Variants in HHLA1 observed in about 807,000 individuals in gnomAD.
The protein encoded by HHLA1 is HERV-H LTR-associating protein 1.
In HHLA1, 72 loss-of-function variants were observed where a neutral mutation model predicts 69.9. The observed-to-expected ratio is 1.03, with a 90% CI of 0.85 to 1.25. HHLA1 has a LOEUF of 1.25. Among genes scored for constraint, HHLA1 ranks in the 50% most tolerant of loss-of-function variants. HHLA1 has a pLI of 0.00. For synonymous variants in HHLA1, 252 were observed against 233.2 expected, an observed-to-expected ratio of 1.08 and a Z score of -0.73; for missense variants, 685 against 642.2, an observed-to-expected ratio of 1.07 and a Z score of -0.72.
Position 132,079,907 on chromosome 8 carries a change from G to A in HHLA1, c.736C>T (p.Leu246=), listed in dbSNP as rs188826069. The A allele has an allele frequency of 1.9e-6, 3 of 1,552,320 alleles. No individual in the cohort carries two copies. Among genetic ancestry groups the A allele is most frequent in the East Asian group, 2.4e-5 (1 of 40,914 alleles). ...CAGTGTCCGGGGCTTGTACTTGGTA[G>A]TGTTTTCTGGCTTTTGGTTGTGGGC... ...SKPTTKSQKT[L]PSTSPGHWTQ... The change falls in exon 11 of 17, where the codon CTA becomes TTA. Residue 246 remains leucine (L), a synonymous_variant. Transcript: ENST00000414222.
rs1415358673 is a variant in HHLA1 at position 132,063,520 on chromosome 8, G to A, written c.*475C>T. On this transcript the variant is annotated 3_prime_UTR_variant, in exon 17 of 17. Transcript: ENST00000414222. ...ATGTATTAGTTAACTATCAGTATAT[G>A]TGAATCTCTCTAGAGTATGAATTCA... 2 of 152,742 alleles carry A rather than the reference G, an allele frequency of 1.3e-5. No individual in the cohort carries two copies. Among genetic ancestry groups the A allele is most frequent in the African/African-American group, 4.8e-5 (2 of 41,452 alleles). The allele number at this position is 152,742 out of a possible 1,614,324, so 9.5% of individuals were successfully genotyped here. A position where few individuals can be genotyped will look rare whatever the true frequency, so the allele number is the denominator to read the frequency against.
At position 132,078,171 on chromosome 8, in the gene HHLA1, AACACACACACACAC is replaced by A. The variant is rs34612835; in HGVS notation, c.926-214_926-201del. 6.9e-4 allele frequency among the ~76,000 whole-genome samples: 99 copies of A among 144,506 alleles called. No individual in the cohort carries two copies. The Middle Eastern group carries it at 0.01, about 15-fold the overall frequency. The allele number at this position is 144,506 out of a possible 152,430, so 94.8% of individuals were successfully genotyped here. A position where few individuals can be genotyped will look rare whatever the true frequency, so the allele number is the denominator to read the frequency against. ...AGCATTGTTTTCCTAAGCACCAATA[AACACACACACACAC>A]ACACACACACACACACACACACACA... On this transcript the variant is annotated intron_variant, in intron 11 of 16. Coordinates refer to ENST00000414222, the MANE Select transcript of HHLA1 (RefSeq NM_001145095.3).
At position 132,105,267 on chromosome 8, in the gene HHLA1, C is replaced by T; in HGVS notation, c.-2G>A. The T allele has an allele frequency of 6.4e-7, 1 of 1,551,884 alleles. No individual in the cohort carries two copies. The highest frequency in any genetic ancestry group is 1.4e-5 in the African/African-American group (1 of 73,160). Reference sequence around the variant, plus strand: ...ACCACGTGACAGGAAGCCCAGCATGCTTGTGATACTCTGGCCCACCTGGAA... The same window carrying T: ...ACCACGTGACAGGAAGCCCAGCATGTTTGTGATACTCTGGCCCACCTGGAA... On this transcript the variant is annotated 5_prime_UTR_variant, in exon 2 of 17. Transcript: ENST00000414222.
intron 2 of HHLA1, among the ~76,000 whole-genome samples, chr8:132,104,754 C>T (rs897335819): frequency 6.6e-6 from 1 of 151,986 alleles, no homozygotes; most frequent in African/African-American, 2.4e-5. Context: ...TGAAAAGGAC[C>T]TGGTACACTA....
chr8:132,098,896 CT>C lies in HHLA1; in HGVS notation c.265del (p.Ser89ValfsTer4). On this transcript the variant is annotated frameshift_variant, in exon 5 of 17. Coordinates refer to ENST00000414222, the MANE Select transcript of HHLA1 (RefSeq NM_001145095.3). LOFTEE classifies it high-confidence loss of function. ...NLTELVNGMLSRALKDSKKFF... is the reference protein window; with the variant it reads ...NLTELVNGMLXRALKDSKKFF... ...AATATGATTACCTTTTAACGCTCTA[CT>C]GAGCATCCCATTCACAAGCTCTGTC... The C allele has an allele frequency of 6.5e-7, 1 of 1,549,670 alleles. No homozygotes were observed. Among genetic ancestry groups the C allele is most frequent in the Non-Finnish European group, 8.7e-7 (1 of 1,145,194 alleles).
At chr8:132,107,520 C>T (rs1004009256) in intron 1 of HHLA1, among the ~76,000 whole-genome samples, 7 of 152,106 alleles carry the variant, frequency 4.6e-5, no homozygotes, top group African/African-American at 1.2e-4. Context: ...AGGCTGGTCT[C>T]GACTCCCGAC....
intron 10 of HHLA1, chr8:132,080,259 G>C: frequency 2.2e-6 from 1 of 450,542 alleles, no homozygotes; most frequent in Middle Eastern, 3.4e-4. Flanking sequence ...CGTGTGAAGA[G>C]ACCACCAAAC....
intron 7 of HHLA1, among the ~76,000 whole-genome samples, chr8:132,093,349 G>C (rs571001425): frequency 6.6e-6 from 1 of 151,850 alleles, no homozygotes; most frequent in African/African-American, 2.4e-5. Flanking sequence ...TTAAAATTAA[G>C]AAAACTTAAG....
At chr8:132,080,658 G>C (rs563957810) in intron 10 of HHLA1, 1 of 153,698 alleles carries the variant, frequency 6.5e-6, no homozygotes, top group African/African-American at 2.4e-5. Context: ...CAGGGGTTGC[G>C]ATGGCTTGGC....
At position 132,089,507 on chromosome 8, in the gene HHLA1, T is replaced by A. The variant is rs1412166493; in HGVS notation, c.532+9A>T. The A allele has an allele frequency of 6.8e-7, 1 of 1,460,376 alleles. No homozygotes were observed. The highest frequency in any genetic ancestry group is 1.4e-5 in the African/African-American group (1 of 71,226). The allele number at this position is 1,460,376 out of a possible 1,614,324, so 90.5% of individuals were successfully genotyped here. On this transcript the variant is annotated intron_variant, in intron 8 of 16. Coordinates refer to ENST00000414222, the MANE Select transcript of HHLA1 (RefSeq NM_001145095.3). ...CAAAGTTGCCAAAGCGTTTTCAAGA[T>A]GAACACACCTGAGAGGATGGAGGTT... is the stretch of plus-strand genomic sequence containing the variant.
At chr8:132,100,984 TATTAA>T (rs1824102536) in intron 3 of HHLA1, among the ~76,000 whole-genome samples, 2 of 152,334 alleles carry the variant, frequency 1.3e-5, no homozygotes, top group Middle Eastern at 3.4e-3. Context: ...CATTTTATTT[TATTAA>T]ATTAAATGAG....
In HHLA1 at chr8:132,079,760, TG is replaced by T; in HGVS notation, c.882del (p.Thr295GlnfsTer25). On this transcript the variant is annotated frameshift_variant, in exon 11 of 17. Coordinates refer to ENST00000414222, the MANE Select transcript of HHLA1 (RefSeq NM_001145095.3). LOFTEE classifies it high-confidence loss of function. ...TGRPPELPAR[A>X]TATWFSASHT... The stretch of plus-strand genomic sequence containing the variant: ...TGGGAGGCACTGAACCATGTGGCTG[TG>T]GCCCTGGCTGGAAGCTCAGGAGGCC... 6.4e-7 allele frequency: 1 copy of T among 1,551,188 alleles called. No individual in the cohort carries two copies. The highest frequency in any genetic ancestry group is 2.4e-5 in the East Asian group (1 of 40,908).
intron 10 of HHLA1, among the ~76,000 whole-genome samples, chr8:132,082,814 C>G (rs890913950): frequency 3.9e-5 from 6 of 151,924 alleles, no homozygotes; most frequent in Admixed American, 2.0e-4. Flanking sequence ...AAAACAATTT[C>G]GTTGATAAGG....
In HHLA1 at chr8:132,079,828, G is replaced by A; in HGVS notation, c.815C>T (p.Thr272Ile). 3 of 1,551,810 alleles carry A rather than the reference G, an allele frequency of 1.9e-6. No individual in the cohort carries two copies. The highest frequency in any genetic ancestry group is 2.6e-6 in the Non-Finnish European group (3 of 1,147,018). ...SALRSSPWTE[T>I]AAPSETEETL... ...CTCCTCTGTTTCTGAAGGAGCAGCT[G>A]TCTCTGTCCAGGGAGAGGATCTCAG... The change falls in exon 11 of 17, where the codon ACA (threonine) becomes ATA (isoleucine). Residue 272 changes from threonine (T) to isoleucine (I), a missense_variant. Transcript: ENST00000414222.
rs915252661 is a variant in HHLA1 at position 132,076,057 on chromosome 8, G to A, written c.1313C>T (p.Ser438Leu). 24 of 1,550,318 alleles carry A rather than the reference G, an allele frequency of 1.5e-5. No individual in the cohort carries two copies. In the African/African-American group the frequency reaches 3.2e-4, roughly 20 times the overall value. ...AATGACTGGGCACTGGTACTTACTTGAAACTTGATGGGGTCTTGGGACCAG... is the reference window on the plus strand; with the variant it reads ...AATGACTGGGCACTGGTACTTACTTAAAACTTGATGGGGTCTTGGGACCAG... ...PVLVPRPHQV[S>L]RCPQPLFKVG... Residue 438 changes from serine to leucine, a missense_variant and splice_region_variant, in exon 14 of 17, where the codon TCA becomes TTA. Coordinates refer to ENST00000414222, the MANE Select transcript of HHLA1 (RefSeq NM_001145095.3).
At chr8:132,090,753 CTCTTT>C (rs1305919284) in intron 7 of HHLA1, among the ~76,000 whole-genome samples, 5 of 34,796 alleles carry the variant, frequency 1.4e-4, no homozygotes, top group Non-Finnish European at 3.4e-4. Flanking sequence ...CTCTTTCTCT[CTCTTT>C]TTTTTTTTTT....
chr8:132,064,115 T>A, intron 16 of HHLA1, 77 bp from the exon 17 acceptor site: 2 of 942,796 alleles, frequency 2.1e-6, no homozygotes, highest in Non-Finnish European at 3.0e-6. Context: ...TAAACCCTGA[T>A]GTCGCCAACA....
At chr8:132,086,854 G>GCT (rs752543585) in intron 10 of HHLA1, among the ~76,000 whole-genome samples, 1 of 152,018 alleles carries the variant, frequency 6.6e-6, no homozygotes, top group Non-Finnish European at 1.5e-5. Flanking sequence ...AAGTGGAGTT[G>GCT]CAGATTTATT....
intron 16 of HHLA1, among the ~76,000 whole-genome samples, chr8:132,065,490 G>C (rs1823419749): frequency 6.6e-6 from 1 of 152,172 alleles, no homozygotes; most frequent in Non-Finnish European, 1.5e-5. Flanking sequence ...CACCATGTTA[G>C]CCAGGATGGT....
Sources: allele counts gnomAD v4.1 joint callset (sites outside exome capture counted in the v4.1 genomes callset), GRCh38; gene constraint gnomAD v4.1.1; transcripts MANE v1.5; gene names NCBI Gene and HGNC (gene_info 2026-07-23, HGNC 2026-07-21).